The following NRXN3 variants were observed in gnomAD, a reference collection of about 807,000 sequenced individuals.
NRXN3 encodes neurexin III.
Under a neutral mutation model 137.6 loss-of-function variants are expected in NRXN3, and 32 were observed. The ratio of observed to expected loss-of-function variants is 0.23; its 90% CI spans 0.18 to 0.31. The LOEUF is 0.31. Ranked by LOEUF, NRXN3 falls within the 10% of genes least tolerant of loss-of-function variation. NRXN3 has a pLI of 1.00. For missense variants in NRXN3, 1,574 were observed against 2,062.5 expected (o/e 0.76, Z 4.59); for synonymous variants, 798 against 784.5 (o/e 1.02, Z -0.29).
At chr14:78,830,880 G>GA (rs1240732490) in intron 10 of NRXN3, among the ~76,000 whole-genome samples, 1 of 151,998 alleles carries the variant, frequency 6.6e-6, no homozygotes, top group African/African-American at 2.4e-5. Context: ...GACAACAATG[G>GA]AAAAATGTTA....
At chr14:78,284,455 T>C (rs2074885180) in intron 3 of NRXN3, among the ~76,000 whole-genome samples, 1 of 152,214 alleles carries the variant, frequency 6.6e-6, no homozygotes, top group Admixed American at 6.5e-5. Context: ...CGTGTCCTGC[T>C]GACTTCCTGA....
chr14:78,645,290 C>G lies in NRXN3; in HGVS notation c.928C>G (p.Leu310Val), dbSNP rs144563778. ...GTCGGCTGACTATGTCAACCTGGCTCTGAAGGATGGTGCGGTCTCCTTGGT... is the reference window on the plus strand; with the variant it reads ...GTCGGCTGACTATGTCAACCTGGCTGTGAAGGATGGTGCGGTCTCCTTGGT... The part of the protein sequence containing the change: ...GKSADYVNLA[L>V]KDGAVSLVIN... The change falls in exon 5 of 21, where the codon CTG (leucine) becomes GTG (valine). Residue 310 changes from leucine (L) to valine (V), a missense_variant. Transcript: ENST00000335750. The G allele has an allele frequency of 1.1e-5, 18 of 1,598,924 alleles. No homozygotes were observed. The East Asian group carries it at 3.8e-4, about 34-fold the overall frequency.
chr14:78,190,226 T>A lies in NRXN3; in HGVS notation c.-704+19552T>A, dbSNP rs916889197. 2.0e-5 allele frequency among the ~76,000 whole-genome samples: 3 copies of A among 152,210 alleles called. No homozygotes were observed. In the East Asian group the frequency reaches 5.8e-4, roughly 29 times the overall value. ...CAAATGAGAATGTCTCACCCTCCTATCCTCAGTTCCCTTTCAGGAACTACC... is the reference window on the plus strand; with the variant it reads ...CAAATGAGAATGTCTCACCCTCCTAACCTCAGTTCCCTTTCAGGAACTACC... On this transcript the variant is annotated intron_variant, in intron 1 of 20. Transcript: ENST00000335750.
Position 79,365,725 on chromosome 14 carries a change from C to CAAA in NRXN3, c.3263-101479_3263-101477dup, listed in dbSNP as rs569855024. ...TGGGCGACAGAGCGAGACTCTGTCT[C>CAAA]AAAAAAAAAAAAAAAAAAAGAAAAA... On this transcript the variant is annotated intron_variant, in intron 15 of 20. Transcript: ENST00000335750. Among the ~76,000 whole-genome samples, 262 of 42,280 alleles carry CAAA rather than the reference C, an allele frequency of 6.2e-3. 11 individuals carry two copies. Among genetic ancestry groups the CAAA allele is most frequent in the African/African-American group, 0.022 (224 of 10,248 alleles). The allele number at this position is 42,280 out of a possible 152,430, so 27.7% of individuals were successfully genotyped here. A position where few individuals can be genotyped will look rare whatever the true frequency, so the allele number is the denominator to read the frequency against.
At chr14:78,976,757 C>A (rs143606377) in intron 14 of NRXN3, among the ~76,000 whole-genome samples, 45 of 152,272 alleles carry the variant, frequency 3.0e-4, no homozygotes, top group African/African-American at 1.0e-3. Context: ...GAGAGGCGTA[C>A]AACACAACTG....
At chr14:78,677,944 A>G (rs931796031) in intron 6 of NRXN3, among the ~76,000 whole-genome samples, 4 of 152,178 alleles carry the variant, frequency 2.6e-5, no homozygotes, top group African/African-American at 9.6e-5. Flanking sequence ...AGTGATTTTA[A>G]TTAAGGTTTG....
At chr14:78,328,474 T>A (rs918088071) in intron 4 of NRXN3, among the ~76,000 whole-genome samples, 6 of 152,168 alleles carry the variant, frequency 3.9e-5, no homozygotes, top group Non-Finnish European at 4.4e-5. Flanking sequence ...ACATAATTAT[T>A]CCATGTAATA....
chr14:79,580,701 G>C (rs962366083), intron 16 of NRXN3, among the ~76,000 whole-genome samples: 10 of 152,110 alleles, frequency 6.6e-5, no homozygotes, highest in Non-Finnish European at 1.2e-4. Context: ...TTGAAGTTCA[G>C]TTAACTCAGA....
intron 16 of NRXN3, among the ~76,000 whole-genome samples, chr14:79,534,624 A>G (rs1294632831): frequency 6.6e-6 from 1 of 152,150 alleles, no homozygotes; most frequent in East Asian, 1.9e-4. Context: ...TTCATGGGAG[A>G]GCCCCAAACC....
At chr14:78,702,835 A>G (rs2098300612) in intron 6 of NRXN3, among the ~76,000 whole-genome samples, 1 of 152,232 alleles carries the variant, frequency 6.6e-6, no homozygotes, top group Admixed American at 6.5e-5. Context: ...AGTGATCGCC[A>G]TCACTTATTG....
chr14:78,321,830 A>T (rs2079406516), intron 4 of NRXN3, among the ~76,000 whole-genome samples: 1 of 151,984 alleles, frequency 6.6e-6, no homozygotes, highest in African/African-American at 2.4e-5. Flanking sequence ...TTCCAGATCC[A>T]TTGCTTGAGT....
chr14:79,168,571 T>A (rs1470131763), intron 15 of NRXN3, among the ~76,000 whole-genome samples: 1 of 151,930 alleles, frequency 6.6e-6, no homozygotes, highest in Non-Finnish European at 1.5e-5. Context: ...CTCTTCCTGA[T>A]TATTCTTGAT....
intron 19 of NRXN3, among the ~76,000 whole-genome samples, chr14:79,765,794 A>G (rs1011963244): frequency 6.6e-6 from 1 of 152,204 alleles, no homozygotes; most frequent in Non-Finnish European, 1.5e-5. Context: ...GTGTGAGACC[A>G]TATGTTTAAC....
intron 15 of NRXN3, among the ~76,000 whole-genome samples, chr14:79,257,343 CTGG>C (rs577147425): frequency 0.015 from 185 of 12,640 alleles, 1 homozygote; most frequent in Middle Eastern, 0.062. Flanking sequence ...TGTCTTATTC[CTGG>C]TGGTGGTGGT....
At chr14:79,707,305 TG>T (rs1166822875) in intron 19 of NRXN3, among the ~76,000 whole-genome samples, 3 of 152,094 alleles carry the variant, frequency 2.0e-5, no homozygotes, top group African/African-American at 7.2e-5. Context: ...GAAGAGGCAG[TG>T]GGGGCCAATA....
intron 16 of NRXN3, among the ~76,000 whole-genome samples, chr14:79,522,592 A>G (rs2097077935): frequency 6.6e-6 from 1 of 152,198 alleles, no homozygotes; most frequent in African/African-American, 2.4e-5. Flanking sequence ...GTTCTTGGGT[A>G]TATAGTCTTG....
chr14:79,766,981 C>A (rs1300989438), intron 19 of NRXN3, among the ~76,000 whole-genome samples: 1 of 152,174 alleles, frequency 6.6e-6, no homozygotes, highest in Non-Finnish European at 1.5e-5. Flanking sequence ...GCAGAGACCC[C>A]TGGATCACCG....
intron 15 of NRXN3, among the ~76,000 whole-genome samples, chr14:79,076,571 T>C (rs1480077106): frequency 6.6e-6 from 1 of 152,188 alleles, no homozygotes; most frequent in African/African-American, 2.4e-5. Flanking sequence ...ATAGCTGTCT[T>C]TGATTGAGGG....
At chr14:79,528,373 C>G (rs1042857181) in intron 16 of NRXN3, among the ~76,000 whole-genome samples, 2 of 152,080 alleles carry the variant, frequency 1.3e-5, no homozygotes, top group Non-Finnish European at 2.9e-5. Context: ...ATACTTCAAT[C>G]TAATATTTTA....
Sources: gnomAD v4.1 joint callset for allele counts (sites outside exome capture counted in the v4.1 genomes callset) on GRCh38, gnomAD v4.1.1 for gene constraint, MANE v1.5 for transcripts, NCBI Gene and HGNC (gene_info 2026-07-23, HGNC 2026-07-21) for gene names.